Variants in HIP1 observed in about 807,000 individuals in gnomAD.
HIP1 encodes huntingtin-interacting protein 1.
Under a neutral mutation model 147.6 loss-of-function variants are expected in HIP1, and 65 were observed. The observed-to-expected ratio is 0.44, with a 90% CI of 0.36 to 0.54. The LOEUF (loss-of-function observed/expected upper bound fraction) is 0.54. Ranked by LOEUF, HIP1 falls within the 20% of genes least tolerant of loss-of-function variation. The probability of loss-of-function intolerance (pLI) is 0.00; values close to 1 mark genes in which losing one functional copy is unlikely to be tolerated. For missense variants in HIP1, 1,061 were observed against 1,299.6 expected, an observed-to-expected ratio of 0.82 and a Z score of 2.82; for synonymous variants, 479 against 504.0, an observed-to-expected ratio of 0.95 and a Z score of 0.67.
intron 5 of HIP1, among the ~76,000 whole-genome samples, chr7:75,583,328 G>A (rs921898241): frequency 9.2e-5 from 14 of 152,130 alleles, no homozygotes; most frequent in African/African-American, 3.4e-4. Context: ...GCCGGCTGCC[G>A]ACTGTCCCTG....
chr7:75,562,102 G>A lies in HIP1; in HGVS notation c.1089C>T (p.Asn363=). Residue 363 remains asparagine (N), a synonymous_variant, in exon 12 of 31, where the codon AAC becomes AAT. Coordinates refer to ENST00000336926, the MANE Select transcript of HIP1 (RefSeq NM_005338.7). ...SSFSSDPFNF[N]SQNGVNKDEK... is the part of the protein sequence containing the mutation. Reference sequence around the variant, plus strand: ...CATCCTTGTTCACACCATTTTGACTGTTGAAATTGAAGGGATCACTGCTGA... The same window carrying A: ...CATCCTTGTTCACACCATTTTGACTATTGAAATTGAAGGGATCACTGCTGA... The A allele has an allele frequency of 6.2e-7, 1 of 1,612,530 alleles. No homozygotes were observed. The highest frequency in any genetic ancestry group is 8.5e-7 in the Non-Finnish European group (1 of 1,178,576).
intron 1 of HIP1, among the ~76,000 whole-genome samples, chr7:75,674,578 C>T (rs1421455434): frequency 4.0e-5 from 6 of 151,094 alleles, no homozygotes; most frequent in South Asian, 4.2e-4. Flanking sequence ...CTGAAAGCTA[C>T]GCCTCCTGGG....
chr7:75,686,236 G>T (rs1800258074), intron 1 of HIP1, among the ~76,000 whole-genome samples: 1 of 152,160 alleles, frequency 6.6e-6, no homozygotes, highest in Admixed American at 6.6e-5. Flanking sequence ...TATTGACAAG[G>T]TTGTCAATTT....
chr7:75,725,390 G>A (rs1253170607), intron 1 of HIP1, among the ~76,000 whole-genome samples: 3 of 151,978 alleles, frequency 2.0e-5, no homozygotes, highest in Non-Finnish European at 4.4e-5. Context: ...GCACAAAACC[G>A]TATTGCTTAA....
intron 1 of HIP1, among the ~76,000 whole-genome samples, chr7:75,648,312 T>G (rs1489857324): frequency 6.6e-6 from 1 of 151,880 alleles, no homozygotes; most frequent in Non-Finnish European, 1.5e-5. Flanking sequence ...TGGGGCTGAT[T>G]GGAGTAGCTG....
intron 29 of HIP1, among the ~76,000 whole-genome samples, chr7:75,540,446 A>G (rs180831022): frequency 6.6e-6 from 1 of 151,348 alleles, no homozygotes. Context: ...AAAAAAAAAA[A>G]AAAAGAAGGA....
At chr7:75,637,988 CCCCCCACACACACACAT>C (rs1798491453) in intron 1 of HIP1, among the ~76,000 whole-genome samples, 3 of 48,254 alleles carry the variant, frequency 6.2e-5, no homozygotes, top group African/African-American at 8.9e-5. Context: ...CCCCCCCCCC[CCCCCCACACACACACAT>C]ACACACACAC....
chr7:75,540,266 A>G (rs2116721701), intron 29 of HIP1, among the ~76,000 whole-genome samples: 1 of 152,106 alleles, frequency 6.6e-6, no homozygotes, highest in African/African-American at 2.4e-5. Context: ...CGTCTCTACT[A>G]AAAATATACA....
chr7:75,669,749 G>T (rs1391567699), intron 1 of HIP1, among the ~76,000 whole-genome samples: 1 of 152,144 alleles, frequency 6.6e-6, no homozygotes, highest in Non-Finnish European at 1.5e-5. Context: ...TCTTCACTTA[G>T]CATAATGTTT....
chr7:75,696,877 G>C (rs1284970305), intron 1 of HIP1, among the ~76,000 whole-genome samples: 1 of 151,648 alleles, frequency 6.6e-6, no homozygotes, highest in African/African-American at 2.4e-5. Context: ...TGGGATTACA[G>C]GCGTGAGCCA....
intron 5 of HIP1, among the ~76,000 whole-genome samples, chr7:75,582,381 G>A (rs1434367546): frequency 1.3e-5 from 2 of 152,132 alleles, no homozygotes; most frequent in African/African-American, 2.4e-5. Flanking sequence ...AAAATCGCTG[G>A]TATCATCAAT....
chr7:75,556,565 G>C (rs1044849965), intron 17 of HIP1, 145 bp downstream of exon 17: 10 of 620,540 alleles, frequency 1.6e-5, no homozygotes, highest in Admixed American at 1.4e-4. Flanking sequence ...TGTGCCTGTA[G>C]TCCCAGTTAC....
At chr7:75,682,691 G>C (rs1210095773) in intron 1 of HIP1, among the ~76,000 whole-genome samples, 2 of 152,052 alleles carry the variant, frequency 1.3e-5, no homozygotes, top group Non-Finnish European at 2.9e-5. Flanking sequence ...TTTAACCCTG[G>C]AATGCTTAAA....
chr7:75,681,167 C>A (rs1800052285), intron 1 of HIP1, among the ~76,000 whole-genome samples: 1 of 152,138 alleles, frequency 6.6e-6, no homozygotes, highest in Admixed American at 6.6e-5. Context: ...TCCGCCTCGG[C>A]CTTTCAAAGT....
At chr7:75,548,188 C>CTG (rs1794646466) in intron 23 of HIP1, among the ~76,000 whole-genome samples, 2 of 152,092 alleles carry the variant, frequency 1.3e-5, no homozygotes, top group Admixed American at 6.6e-5. Flanking sequence ...GCCACCACGC[C>CTG]CAGCTAATTT....
At chr7:75,623,534 C>A (rs2117100792) in intron 1 of HIP1, among the ~76,000 whole-genome samples, 1 of 152,260 alleles carries the variant, frequency 6.6e-6, no homozygotes, top group Non-Finnish European at 1.5e-5. Context: ...GAGGGCAGTG[C>A]CAGTTTTCAC....
At chr7:75,677,890 A>G (rs1351184067) in intron 1 of HIP1, among the ~76,000 whole-genome samples, 2 of 151,902 alleles carry the variant, frequency 1.3e-5, no homozygotes, top group African/African-American at 4.8e-5. Context: ...TGGTTCTATC[A>G]CTTCATTATG....
chr7:75,604,976 C>T (rs1354791840), intron 1 of HIP1, among the ~76,000 whole-genome samples: 1 of 152,070 alleles, frequency 6.6e-6, no homozygotes, highest in Non-Finnish European at 1.5e-5. Flanking sequence ...AGCTGAGAAT[C>T]AGGAAAGTTC....
At chr7:75,647,175 G>T (rs1798823635) in intron 1 of HIP1, among the ~76,000 whole-genome samples, 1 of 128,502 alleles carries the variant, frequency 7.8e-6, no homozygotes, top group African/African-American at 3.0e-5. Flanking sequence ...AGACCAGCCT[G>T]GCCAATATGG....
Sources: allele counts gnomAD v4.1 joint callset (sites outside exome capture counted in the v4.1 genomes callset), GRCh38; gene constraint gnomAD v4.1.1; transcripts MANE v1.5; gene names NCBI Gene and HGNC (gene_info 2026-07-23, HGNC 2026-07-21).